The following PPP2R3B variants were observed in gnomAD, a reference collection of about 807,000 sequenced individuals.
The protein encoded by PPP2R3B is protein phosphatase 2 regulatory subunit B''beta.
A neutral mutation model predicts 72.9 loss-of-function variants in PPP2R3B; 68 were observed. The ratio of observed to expected loss-of-function variants is 0.93; its 90% CI spans 0.77 to 1.14. The LOEUF (loss-of-function observed/expected upper bound fraction) is 1.14, where lower values mean the gene tolerates loss of function less well. PPP2R3B is among the 50% of genes most tolerant of loss of function. The probability of loss-of-function intolerance (pLI) is 0.00; values close to 1 mark genes in which losing one functional copy is unlikely to be tolerated. For synonymous variants in PPP2R3B, 466 were observed against 375.8 expected (o/e 1.24, Z -2.78); for missense variants, 1,018 against 842.0 (o/e 1.21, Z -2.59).
chrX:356,260 G>T (rs1168603159), intron 2 of PPP2R3B, among the ~76,000 whole-genome samples: 2 of 152,168 alleles, frequency 1.3e-5, no homozygotes, highest in Non-Finnish European at 2.9e-5. Flanking sequence ...CAGTCGCCCA[G>T]GCTGGAGTGC....
intron 12 of PPP2R3B, 88 bp downstream of exon 12, chrX:338,512 GCACA>G: frequency 8.1e-7 from 1 of 1,229,460 alleles, no homozygotes; most frequent in East Asian, 2.6e-5. Context: ...TCCCCCGGCT[GCACA>G]CACACCCGTC....
intron 6 of PPP2R3B, 36 bp downstream of exon 6, chrX:346,138 A>AAGGCAGG (rs1365100366): frequency 7.5e-7 from 1 of 1,332,852 alleles, no homozygotes; most frequent in African/African-American, 2.0e-5. Context: ...GGGTAGGGAC[A>AAGGCAGG]AGGCAGGGGG....
chrX:344,353 T>G (rs2071149780), intron 7 of PPP2R3B, among the ~76,000 whole-genome samples: 1 of 150,772 alleles, frequency 6.6e-6, no homozygotes. Flanking sequence ...GAGGCAGGAG[T>G]GAAAGCACCG....
At chrX:358,909 G>A (rs2071488682) in intron 2 of PPP2R3B, among the ~76,000 whole-genome samples, 1 of 143,544 alleles carries the variant, frequency 7.0e-6, no homozygotes, top group Non-Finnish European at 1.5e-5. Flanking sequence ...GCACCGTGGG[G>A]ACGGGCGCCC....
At chrX:383,867 A>AAAAAAC (rs2072183640) in intron 1 of PPP2R3B, among the ~76,000 whole-genome samples, 2 of 138,452 alleles carry the variant, frequency 1.4e-5, no homozygotes, top group Non-Finnish European at 1.6e-5. Flanking sequence ...AAAAAAAAAA[A>AAAAAAC]CCAAAAAAAC....
In PPP2R3B at chrX:345,681, G is replaced by C; in HGVS notation, c.880-9C>G. 6.2e-7 allele frequency: 1 copy of C among 1,611,880 alleles called. No homozygotes were observed. The highest frequency in any genetic ancestry group is 8.5e-7 in the Non-Finnish European group (1 of 1,179,064). On this transcript the variant is annotated splice_polypyrimidine_tract_variant and intron_variant, in intron 6 of 12. Coordinates refer to ENST00000390665, the MANE Select transcript of PPP2R3B (RefSeq NM_013239.5). ...TCCAGCAGCGCCACATTCTGCCAAA[G>C]GACCCAGGCGGCCTGAGCGCGGGGC...
In PPP2R3B at chrX:385,588, A is replaced by C. The variant is rs1297256547; in HGVS notation, c.324+780T>G. ...TGCTTGGACCCAGGAATTCCAGAGC[A>C]CTCTAGGTAACATAGCAAGACCTCG... On this transcript the variant is annotated intron_variant, in intron 1 of 12. Coordinates refer to ENST00000390665, the MANE Select transcript of PPP2R3B (RefSeq NM_013239.5). 3.3e-5 allele frequency among the ~76,000 whole-genome samples: 5 copies of C among 151,626 alleles called. No individual in the cohort carries two copies. In the East Asian group the frequency reaches 9.6e-4, roughly 29 times the overall value.
At position 345,586 on chromosome X, in the gene PPP2R3B, C is replaced by T. The variant is rs762978697; in HGVS notation, c.966G>A (p.Lys322=). ...CGTGGTCCGTGTCCAGCTCCCAGAA[C>T]TTGCAGTAGATGACGTAGAAATGCT... ...SYEHFYVIYC[K]FWELDTDHDL... is the part of the protein sequence containing the mutation. Residue 322 remains lysine (K), a synonymous_variant, in exon 7 of 13, where the codon AAG becomes AAA. Transcript: ENST00000390665. 4 of 1,613,234 alleles carry T rather than the reference C, an allele frequency of 2.5e-6. No individual in the cohort carries two copies. Among genetic ancestry groups the T allele is most frequent in the Non-Finnish European group, 3.4e-6 (4 of 1,179,594 alleles).
intron 2 of PPP2R3B, among the ~76,000 whole-genome samples, chrX:357,139 G>A (rs2124148849): frequency 6.6e-6 from 1 of 152,242 alleles, no homozygotes; most frequent in South Asian, 2.1e-4. Context: ...GAGAGGCAAA[G>A]CTACAGCGAC....
In PPP2R3B at chrX:386,663, A is replaced by G; in HGVS notation, c.29T>C (p.Val10Ala). ...CAGCTCGTCCACCTTCATCTTCAGG[A>G]CCGGCTGCAGCACTTTGCCGGGCGG... MPPGKVLQP[V>A]LKMKVDELFL... Residue 10 changes from valine to alanine, a missense_variant, in exon 1 of 13, where the codon GTC (valine) becomes GCC (alanine). Val to Ala is a moderately conservative substitution (Grantham distance 64). Coordinates refer to ENST00000390665, the MANE Select transcript of PPP2R3B (RefSeq NM_013239.5). 7.2e-7 allele frequency: 1 copy of G among 1,383,498 alleles called. No homozygotes were observed. Among genetic ancestry groups the G allele is most frequent in the Non-Finnish European group, 9.4e-7 (1 of 1,068,320 alleles). The allele number at this position is 1,383,498 out of a possible 1,614,324, so 85.7% of individuals were successfully genotyped here. A position where few individuals can be genotyped will look rare whatever the true frequency, so the allele number is the denominator to read the frequency against.
At chrX:383,156 G>A (rs1027652160) in intron 1 of PPP2R3B, among the ~76,000 whole-genome samples, 7 of 152,068 alleles carry the variant, frequency 4.6e-5, no homozygotes, top group Non-Finnish European at 8.8e-5. Context: ...CATTTTCATC[G>A]ACACGTACTT....
chrX:341,190 T>C, intron 9 of PPP2R3B, 117 bp downstream of exon 9: 1 of 1,018,258 alleles, frequency 9.8e-7, no homozygotes, highest in Non-Finnish European at 1.5e-6. Context: ...CGTGCACATG[T>C]CCCCCTGTGC....
intron 1 of PPP2R3B, among the ~76,000 whole-genome samples, chrX:376,955 ACACC>A (rs1447320768): frequency 8.8e-5 from 2 of 22,828 alleles, no homozygotes; most frequent in Admixed American, 3.5e-4. Context: ...CGGGCCGTCC[ACACC>A]CAGTGGGGCC....
intron 1 of PPP2R3B, among the ~76,000 whole-genome samples, chrX:367,260 T>G (rs756901216): frequency 6.6e-6 from 1 of 152,020 alleles, no homozygotes; most frequent in South Asian, 2.1e-4. Context: ...CAATGTATGT[T>G]CAATTTAAAA....
chrX:358,706 T>C (rs1490234129), intron 2 of PPP2R3B, among the ~76,000 whole-genome samples: 1 of 151,574 alleles, frequency 6.6e-6, no homozygotes, highest in East Asian at 1.9e-4. Context: ...GGAAGCGAGG[T>C]GACACCGAGA....
chrX:334,252 A>T lies in PPP2R3B; in HGVS notation c.*115T>A, dbSNP rs182902557. ...CAACACGCTTCTGTGAATAAATAAA[A>T]GTTTATCATTCCGTACAAACGCACT... is the stretch of plus-strand genomic sequence containing the variant. On this transcript the variant is annotated 3_prime_UTR_variant, in exon 13 of 13. Coordinates refer to ENST00000390665, the MANE Select transcript of PPP2R3B (RefSeq NM_013239.5). The T allele has an allele frequency of 3.4e-5, 41 of 1,207,212 alleles. No homozygotes were observed. In the African/African-American group the frequency reaches 5.5e-4, roughly 16 times the overall value. 74.8% of individuals were successfully genotyped at this position (1,207,212 alleles called of 1,614,324 possible). A position where few individuals can be genotyped will look rare whatever the true frequency, so the allele number is the denominator to read the frequency against.
intron 6 of PPP2R3B, 56 bp downstream of exon 6, chrX:346,118 G>T: frequency 8.9e-7 from 1 of 1,124,250 alleles, no homozygotes; most frequent in African/African-American, 2.2e-5. Context: ...GAAGGGAGTG[G>T]AGGTAGGAGG....
intron 2 of PPP2R3B, among the ~76,000 whole-genome samples, chrX:353,636 G>C (rs2071373873): frequency 2.0e-5 from 3 of 152,266 alleles, no homozygotes; most frequent in Admixed American, 2.0e-4. Flanking sequence ...AAAGGAGACC[G>C]CAGGCCAGTC....
At chrX:378,789 A>G (rs189289789) in intron 1 of PPP2R3B, among the ~76,000 whole-genome samples, 1,673 of 152,276 alleles carry the variant, frequency 0.011, 25 homozygotes, top group African/African-American at 0.037. Flanking sequence ...CGAGACTCTC[A>G]TCGGTGCCCA....
Sources: gnomAD v4.1 joint callset for allele counts (sites outside exome capture counted in the v4.1 genomes callset) on GRCh38, gnomAD v4.1.1 for gene constraint, MANE v1.5 for transcripts, NCBI Gene and HGNC (gene_info 2026-07-23, HGNC 2026-07-21) for gene names.